BEST2: variants seen among roughly 807,000 people sequenced by gnomAD.
BEST2 encodes the protein bestrophin 2, also known as bestrophin-2a.
Under a neutral mutation model 49.0 loss-of-function variants are expected in BEST2, and 36 were observed. That is an observed-to-expected ratio of 0.73 (90% CI 0.56 to 0.97). The LOEUF (loss-of-function observed/expected upper bound fraction) is 0.97. Among genes scored for constraint, BEST2 ranks in the 50% least tolerant of loss-of-function variants. The pLI, the probability that BEST2 is intolerant of heterozygous loss-of-function variation, is 0.00. For missense variants in BEST2, 672 were observed against 710.0 expected, an observed-to-expected ratio of 0.95 and a Z score of 0.61; for synonymous variants, 335 against 304.4, an observed-to-expected ratio of 1.10 and a Z score of -1.05.
rs770777840 is a variant in BEST2, at chr19:12,755,061, G to GAAT, written c.636+32_636+34dup. 2 of 1,568,348 alleles carry GAAT rather than the reference G, an allele frequency of 1.3e-6. No homozygotes were observed. Among genetic ancestry groups the GAAT allele is most frequent in the African/African-American group, 2.8e-5 (2 of 72,644 alleles). ...GCCCAACCAGGAGGTCATTCATATA[G>GAAT]AATACCAGGGAAATTGTACCCCTGG... On this transcript the variant is annotated intron_variant, in intron 5 of 9. Transcript: ENST00000553030. The surrounding 1 kb of genome is among the most constrained non-coding windows in gnomAD (Gnocchi z 4.4).
In BEST2 at chr19:12,756,306, T is replaced by TG; in HGVS notation, c.1103+14dup. The stretch of plus-strand genomic sequence containing the variant: ...CACCTTTGACATCACGTGAGCCAGT[T>TG]GGGTGGGCAGGGCCGCCTGGGGCAG... On this transcript the variant is annotated intron_variant, in intron 9 of 9. Transcript: ENST00000553030. 1 of 1,612,118 alleles carries TG rather than the reference T, an allele frequency of 6.2e-7. No homozygotes were observed. Among genetic ancestry groups the TG allele is most frequent in the Non-Finnish European group, 8.5e-7 (1 of 1,179,982 alleles).
At position 12,754,721 on chromosome 19, in the gene BEST2, C is replaced by A. The variant is rs1967915751; in HGVS notation, c.417C>A (p.Ile139=). 1 of 1,592,812 alleles carries A rather than the reference C, an allele frequency of 6.3e-7. No individual in the cohort carries two copies. The highest frequency in any genetic ancestry group is 8.5e-7 in the Non-Finnish European group (1 of 1,169,612). ...MRYAGLSAVL[I]LRSVSTAVFK... is the part of the protein sequence containing the mutation. ...ACGCAGGGCTCTCGGCCGTGCTCAT[C>A]CTGCGCTCCGTCAGCACCGCGGTGT... The change falls in exon 4 of 10, where the codon ATC becomes ATA. Residue 139 remains isoleucine, a synonymous_variant. Transcript: ENST00000553030.
At position 12,755,344 on chromosome 19, in the gene BEST2, A is replaced by G. The variant is rs1440584256; in HGVS notation, c.637-35A>G. ...CTTAATATCCCTGTGTGAGCTCACC[A>G]TTCAGGCCTCCTCATGACCTGTATC... is the stretch of plus-strand genomic sequence containing the variant. On this transcript the variant is annotated intron_variant, in intron 5 of 9. Coordinates refer to ENST00000553030, the MANE Select transcript of BEST2 (RefSeq NM_017682.3). This position sits in a 1 kb window ranked among gnomAD's most constrained non-coding sequence, Gnocchi z 4.4. 7 of 1,605,646 alleles carry G rather than the reference A, an allele frequency of 4.4e-6. No homozygotes were observed. Among genetic ancestry groups the G allele is most frequent in the Non-Finnish European group, 6.0e-6 (7 of 1,172,236 alleles).
intron 8 of BEST2, 45 bp from the exon 9 acceptor site, chr19:12,756,096 C>T (rs1205088745): frequency 1.6e-5 from 25 of 1,611,376 alleles, no homozygotes; most frequent in South Asian, 9.9e-5. Flanking sequence ...GTGGTCCCGG[C>T]GGGTTGCCCT....
Position 12,753,256 on chromosome 19 carries a change from G to A in BEST2, c.153-4G>A, listed in dbSNP as rs771995748. Reference sequence around the variant, plus strand: ...ACCTGTGACCCCTCATCTCTATCCCGCAGCTTTGTGCTGACCGAAGGGCAG... The same window carrying A: ...ACCTGTGACCCCTCATCTCTATCCCACAGCTTTGTGCTGACCGAAGGGCAG... On this transcript the variant is annotated splice_polypyrimidine_tract_variant and splice_region_variant and intron_variant, in intron 2 of 9. Transcript: ENST00000553030. 8.1e-6 allele frequency: 13 copies of A among 1,614,052 alleles called. No homozygotes were observed. The highest frequency in any genetic ancestry group is 4.0e-5 in the African/African-American group (3 of 75,022).
At chr19:12,756,330 AG>A (rs1224699322) in intron 9 of BEST2, 35 bp downstream of exon 9, 1 of 1,608,462 alleles carries the variant, frequency 6.2e-7, no homozygotes, top group African/African-American at 1.3e-5. Context: ...CGCCTGGGGC[AG>A]GGCTTATGGC....
At position 12,757,935 on chromosome 19, in the gene BEST2, C is replaced by T; in HGVS notation, c.1388C>T (p.Pro463Leu). Residue 463 changes from proline (P) to leucine (L), a missense_variant, in exon 10 of 10, where the codon CCG (proline) becomes CTG (leucine). Coordinates refer to ENST00000553030, the MANE Select transcript of BEST2 (RefSeq NM_017682.3). ...LDPGLPEPEA[P>L]PPAGPEPLTL... ...CCCGGCCTGCCGGAGCCCGAGGCCCCGCCCCCTGCGGGTCCCGAACCGCTT... is the reference window on the plus strand; with the variant it reads ...CCCGGCCTGCCGGAGCCCGAGGCCCTGCCCCCTGCGGGTCCCGAACCGCTT... 6.3e-7 allele frequency: 1 copy of T among 1,579,276 alleles called. No homozygotes were observed. Among genetic ancestry groups the T allele is most frequent in the Non-Finnish European group, 8.6e-7 (1 of 1,164,900 alleles).
intron 2 of BEST2, 47 bp from the exon 3 acceptor site, chr19:12,753,213 G>A: frequency 6.3e-7 from 1 of 1,587,126 alleles, no homozygotes; most frequent in Non-Finnish European, 8.7e-7. Flanking sequence ...TGAAGCTGGG[G>A]ATGGAGTCAC....
intron 3 of BEST2, among the ~76,000 whole-genome samples, chr19:12,753,598 C>T (rs944466129): frequency 1.3e-5 from 2 of 152,072 alleles, no homozygotes; most frequent in Admixed American, 1.3e-4. Flanking sequence ...AGAGCTCCAT[C>T]TCACACACAG....
At chr19:12,753,409 T>C in intron 3 of BEST2, 55 bp downstream of exon 3, 1 of 1,542,470 alleles carries the variant, frequency 6.5e-7, no homozygotes, top group Non-Finnish European at 8.9e-7. Context: ...CCCATATCCA[T>C]TCATGCCTTT....
At chr19:12,754,311 ATCCAC>A (rs1292689825) in intron 3 of BEST2, among the ~76,000 whole-genome samples, 2 of 151,754 alleles carry the variant, frequency 1.3e-5, no homozygotes, top group African/African-American at 4.8e-5. Flanking sequence ...TGACCTCATG[ATCCAC>A]CCTCCTCAGC....
In BEST2 at chr19:12,756,302, C is replaced by T. The variant is rs761713955; in HGVS notation, c.1103+7C>T. Reference sequence around the variant, plus strand: ...GCTCCACCTTTGACATCACGTGAGCCAGTTGGGTGGGCAGGGCCGCCTGGG... The same window carrying T: ...GCTCCACCTTTGACATCACGTGAGCTAGTTGGGTGGGCAGGGCCGCCTGGG... On this transcript the variant is annotated splice_region_variant and intron_variant, in intron 9 of 9. Transcript: ENST00000553030. 6.8e-6 allele frequency: 11 copies of T among 1,612,342 alleles called. No homozygotes were observed. The Admixed American group carries it at 1.8e-4, about 27-fold the overall frequency.
intron 3 of BEST2, among the ~76,000 whole-genome samples, chr19:12,754,062 CTTTTTTTTTTTTTTT>C (rs36076549): frequency 2.0e-4 from 11 of 54,456 alleles, no homozygotes; most frequent in South Asian, 1.2e-3. Context: ...GCTGCTCTGC[CTTTTTTTTTTTTTTT>C]TTTTTTTTTT....
intron 4 of BEST2, 43 bp from the exon 5 acceptor site, chr19:12,754,834 G>A (rs749697817): frequency 1.5e-5 from 24 of 1,593,478 alleles, no homozygotes; most frequent in East Asian, 2.3e-5. Context: ...GGACCAGGTG[G>A]AGGGGGGCAA....
rs781454565 is a variant in BEST2, at chr19:12,755,411, G to A, written c.669G>A (p.Met223Ile). The A allele has an allele frequency of 2.5e-6, 4 of 1,614,168 alleles. No individual in the cohort carries two copies. Among genetic ancestry groups the A allele is most frequent in the Non-Finnish European group, 3.4e-6 (4 of 1,180,040 alleles). Residue 223 changes from methionine (M) to isoleucine (I), a missense_variant, in exon 6 of 10, where the codon ATG becomes ATA. Transcript: ENST00000553030. The surrounding 1 kb of genome is among the most constrained non-coding windows in gnomAD (Gnocchi z 4.4). ...ATGTTTTTCGGGGCAAATGTGGAATGCTCTTTCACTATGACTGGATTAGCG... is the reference window on the plus strand; with the variant it reads ...ATGTTTTTCGGGGCAAATGTGGAATACTCTTTCACTATGACTGGATTAGCG... ...ELNVFRGKCG[M>I]LFHYDWISVP...
rs767903650 is a variant in BEST2 at position 12,757,705 on chromosome 19, G to GGGA, written c.1160_1162dup (p.Gly387dup). On this transcript the variant is annotated inframe_insertion, in exon 10 of 10. Coordinates refer to ENST00000553030, the MANE Select transcript of BEST2 (RefSeq NM_017682.3). Reference sequence around the variant, plus strand: ...GGCTGGACGGCTTGGATGGACCGATGGGAGAGGCGCCCGGCGACTTCCTGC... The same window carrying GGGA: ...GGCTGGACGGCTTGGATGGACCGATGGGAGGAGAGGCGCCCGGCGACTTCCTGC... The GGGA allele has an allele frequency of 4.5e-6, 7 of 1,546,500 alleles. No homozygotes were observed. In the South Asian group the frequency reaches 7.1e-5, roughly 16 times the overall value.
At chr19:12,757,549 G>A in intron 9 of BEST2, 102 bp from the exon 10 acceptor site, 1 of 1,296,870 alleles carries the variant, frequency 7.7e-7, no homozygotes, top group Non-Finnish European at 1.0e-6. Flanking sequence ...GGGGATAAGT[G>A]GGACAAAGCG....
chr19:12,756,390 G>C, intron 9 of BEST2, 95 bp downstream of exon 9: 2 of 1,483,468 alleles, frequency 1.3e-6, no homozygotes, highest in Non-Finnish European at 1.8e-6. Flanking sequence ...CAATTCTGGA[G>C]ATGGGGATAA....
chr19:12,752,604 C>T lies in BEST2; in HGVS notation c.12C>T (p.Thr4=). ...TGCCGGGTGCCACGATGACCGTCAC[C>T]TACACAGCCCGAGTGGCGAACGCCC... MTV[T]YTARVANARF... is the part of the protein sequence containing the mutation. Residue 4 remains threonine, a synonymous_variant, in exon 2 of 10, where the codon ACC becomes ACT. Transcript: ENST00000553030. The T allele has an allele frequency of 6.2e-7, 1 of 1,611,938 alleles. No homozygotes were observed. Among genetic ancestry groups the T allele is most frequent in the Non-Finnish European group, 8.5e-7 (1 of 1,179,716 alleles).
Sources: allele counts gnomAD v4.1 joint callset (sites outside exome capture counted in the v4.1 genomes callset), GRCh38; gene constraint gnomAD v4.1.1; non-coding constraint Gnocchi (gnomAD v3.1); transcripts MANE v1.5; gene names NCBI Gene and HGNC (gene_info 2026-07-23, HGNC 2026-07-21).